The following OXSR1 variants were observed in gnomAD, a reference collection of about 807,000 sequenced individuals.
The protein encoded by OXSR1 is serine/threonine-protein kinase OSR1.
A neutral mutation model predicts 79.8 loss-of-function variants in OXSR1; 24 were observed. That is an observed-to-expected ratio of 0.30 (90% confidence interval 0.22 to 0.42). OXSR1 has a LOEUF of 0.42. OXSR1 is among the 10% of genes least tolerant of loss of function. The pLI is 1.00. For synonymous variants in OXSR1, 226 were observed against 209.2 expected (o/e 1.08, Z -0.69); for missense variants, 430 against 618.4 (o/e 0.70, Z 3.23).
intron 1 of OXSR1, among the ~76,000 whole-genome samples, chr3:38,175,068 C>G (rs1451309897): frequency 1.3e-5 from 2 of 152,140 alleles, no homozygotes; most frequent in African/African-American, 2.4e-5. Flanking sequence ...ATTGTAAATT[C>G]TTATGTTTTG....
intron 1 of OXSR1, among the ~76,000 whole-genome samples, chr3:38,182,753 A>G (rs1701811827): frequency 6.6e-6 from 1 of 152,180 alleles, no homozygotes; most frequent in Non-Finnish European, 1.5e-5. Context: ...ATGTGAGCCT[A>G]TGCCATTGTA....
intron 4 of OXSR1, among the ~76,000 whole-genome samples, chr3:38,200,545 G>C (rs1178372996): frequency 6.6e-6 from 1 of 152,092 alleles, no homozygotes; most frequent in Non-Finnish European, 1.5e-5. Context: ...GGAGGAACAG[G>C]GAATATTTAA....
chr3:38,176,576 T>C (rs182737602), intron 1 of OXSR1, among the ~76,000 whole-genome samples: 4 of 152,336 alleles, frequency 2.6e-5, no homozygotes, highest in African/African-American at 9.6e-5. Flanking sequence ...GGGAAGATAA[T>C]ATGAAGATGG....
chr3:38,197,237 GGAGAGT>G (rs1048223388), intron 3 of OXSR1, among the ~76,000 whole-genome samples: 2 of 152,244 alleles, frequency 1.3e-5, no homozygotes, highest in African/African-American at 4.8e-5. Flanking sequence ...GAAGCTATCT[GGAGAGT>G]GAGTCTCTTT....
At chr3:38,238,631 T>C (rs1281249093) in intron 11 of OXSR1, among the ~76,000 whole-genome samples, 1 of 152,148 alleles carries the variant, frequency 6.6e-6, no homozygotes, top group Non-Finnish European at 1.5e-5. Flanking sequence ...AAGATGTTTC[T>C]TCACCATCTT....
chr3:38,236,771 A>G (rs1451006894), intron 10 of OXSR1, 68 bp from the exon 11 acceptor site: 1 of 1,397,340 alleles, frequency 7.2e-7, no homozygotes, highest in East Asian at 2.4e-5. Context: ...AAGAAGAGAG[A>G]AATATGGAGT....
In OXSR1 at chr3:38,173,685, A is replaced by G. The variant is rs958882539; in HGVS notation, c.70+7739A>G. ...GCTATTTCTGTGTGTGTTCTGCCCC[A>G]AACAAGATTTTTTTTCCTTGAAAAT... On this transcript the variant is annotated intron_variant, in intron 1 of 17. Coordinates refer to ENST00000311806, the MANE Select transcript of OXSR1 (RefSeq NM_005109.3). Among the ~76,000 whole-genome samples the G allele has an allele frequency of 2.6e-5, 4 of 152,248 alleles. No individual in the cohort carries two copies. The South Asian group carries it at 6.2e-4, about 24-fold the overall frequency.
chr3:38,176,141 C>T (rs1222245493), intron 1 of OXSR1, among the ~76,000 whole-genome samples: 1 of 152,012 alleles, frequency 6.6e-6, no homozygotes, highest in Non-Finnish European at 1.5e-5. Context: ...AACAGTTTTA[C>T]AAATAACTTT....
intron 4 of OXSR1, among the ~76,000 whole-genome samples, chr3:38,209,045 C>CATTAT (rs1387862502): frequency 2.0e-5 from 3 of 151,596 alleles, no homozygotes; most frequent in Non-Finnish European, 2.9e-5. Flanking sequence ...CTTTTTTCTC[C>CATTAT]ATGTTGTGAT....
chr3:38,182,985 T>G lies in OXSR1; in HGVS notation c.71-18T>G, dbSNP rs761194140. Reference sequence around the variant, plus strand: ...TATATCCATCTACTTATTTACTCTTTTATGTATTTGTTTTTAGGGAGTGGA... The same window carrying G: ...TATATCCATCTACTTATTTACTCTTGTATGTATTTGTTTTTAGGGAGTGGA... On this transcript the variant is annotated intron_variant, in intron 1 of 17. Coordinates refer to ENST00000311806, the MANE Select transcript of OXSR1 (RefSeq NM_005109.3). The G allele has an allele frequency of 7.3e-7, 1 of 1,371,998 alleles. No homozygotes were observed. The allele number at this position is 1,371,998 out of a possible 1,614,324, so 85.0% of individuals were successfully genotyped here.
intron 2 of OXSR1, 47 bp from the exon 3 acceptor site, chr3:38,190,684 T>G (rs1401563353): frequency 9.2e-7 from 1 of 1,089,908 alleles, no homozygotes; most frequent in African/African-American, 1.6e-5. Flanking sequence ...ACAACATTTG[T>G]TTTAGGCTTG....
intron 11 of OXSR1, among the ~76,000 whole-genome samples, chr3:38,240,379 A>G (rs2125849368): frequency 6.6e-6 from 1 of 152,290 alleles, no homozygotes; most frequent in East Asian, 1.9e-4. Context: ...AGTGAGAAAG[A>G]ATCCTGTGGC....
intron 10 of OXSR1, among the ~76,000 whole-genome samples, chr3:38,232,380 C>G (rs2125843920): frequency 6.6e-6 from 1 of 152,098 alleles, no homozygotes; most frequent in South Asian, 2.1e-4. Flanking sequence ...TGTGATCATA[C>G]CACTGTACTT....
chr3:38,206,972 A>C lies in OXSR1; in HGVS notation c.434+8109A>C, dbSNP rs570111078. 2.0e-4 allele frequency among the ~76,000 whole-genome samples: 30 copies of C among 152,236 alleles called. 1 individual carries two copies. The highest frequency in any genetic ancestry group is 2.9e-5 in the Non-Finnish European group (2 of 68,042). ...TCTCATAAAGTAGTTGTGAAGATTA[A>C]ATGAGGTAATATTTGCAATGCACTT... On this transcript the variant is annotated intron_variant, in intron 4 of 17. Transcript: ENST00000311806.
At chr3:38,203,335 G>A (rs555698331) in intron 4 of OXSR1, among the ~76,000 whole-genome samples, 8 of 152,080 alleles carry the variant, frequency 5.3e-5, no homozygotes, top group African/African-American at 1.9e-4. Context: ...ATATCAGCGC[G>A]CCCAGCCGTT....
At chr3:38,204,114 C>T (rs909203214) in intron 4 of OXSR1, among the ~76,000 whole-genome samples, 1 of 152,196 alleles carries the variant, frequency 6.6e-6, no homozygotes, top group Non-Finnish European at 1.5e-5. Flanking sequence ...CCGTGGCCAC[C>T]ACTGCCCCAA....
At chr3:38,244,019 G>T (rs1368132538) in intron 12 of OXSR1, among the ~76,000 whole-genome samples, 1 of 152,182 alleles carries the variant, frequency 6.6e-6, no homozygotes, top group Non-Finnish European at 1.5e-5. Flanking sequence ...AGCCCCCGCT[G>T]GCGAGAGATA....
At chr3:38,203,388 C>G (rs1297730602) in intron 4 of OXSR1, among the ~76,000 whole-genome samples, 2 of 152,130 alleles carry the variant, frequency 1.3e-5, no homozygotes, top group African/African-American at 2.4e-5. Context: ...TAGTGGTCCC[C>G]CGGGCCCAGC....
At chr3:38,209,451 C>T (rs1702340286) in intron 4 of OXSR1, among the ~76,000 whole-genome samples, 2 of 151,852 alleles carry the variant, frequency 1.3e-5, no homozygotes, top group African/African-American at 4.8e-5. Flanking sequence ...AAAAGTTCCC[C>T]CAGGTAATTC....
Sources: allele counts gnomAD v4.1 joint callset (sites outside exome capture counted in the v4.1 genomes callset), GRCh38; gene constraint gnomAD v4.1.1; transcripts MANE v1.5; gene names NCBI Gene and HGNC (gene_info 2026-07-23, HGNC 2026-07-21).